The following SGSM1 variants were observed in gnomAD, a reference collection of about 807,000 sequenced individuals.
SGSM1 encodes small G protein signaling modulator 1.
SGSM1 carries 73 observed loss-of-function variants against 133.8 expected under a neutral mutation model. That is an observed-to-expected ratio of 0.55 (90% CI 0.45 to 0.66). The LOEUF is 0.66. Ranked by LOEUF, SGSM1 falls within the 30% of genes least tolerant of loss-of-function variation. SGSM1 has a pLI of 0.00. For synonymous variants in SGSM1, 563 were observed against 573.0 expected, an observed-to-expected ratio of 0.98 and a Z score of 0.25; for missense variants, 1,213 against 1,448.1, an observed-to-expected ratio of 0.84 and a Z score of 2.64.
chr22:24,807,569 G>A (rs1486624840), intron 2 of SGSM1, among the ~76,000 whole-genome samples: 1 of 152,044 alleles, frequency 6.6e-6, no homozygotes, highest in Non-Finnish European at 1.5e-5. Context: ...CTTGTGTGTT[G>A]CCCTCCCCAT....
At chr22:24,908,590 C>T (rs1933497511) in intron 21 of SGSM1, among the ~76,000 whole-genome samples, 1 of 152,094 alleles carries the variant, frequency 6.6e-6, no homozygotes, top group African/African-American at 2.4e-5. Flanking sequence ...ATCACGAGGT[C>T]AGAAGATCGA....
rs183132470 is a variant in SGSM1, at chr22:24,831,824, C to T, written c.64-13073C>T. 6.6e-5 allele frequency among the ~76,000 whole-genome samples: 10 copies of T among 152,358 alleles called. No homozygotes were observed. The East Asian group carries it at 1.2e-3, about 18-fold the overall frequency. ...AATACAGAGAAGTAAAAGTCCCCAACGCCCCAACCTAGCGTGCACTGAAAT... is the reference window on the plus strand; with the variant it reads ...AATACAGAGAAGTAAAAGTCCCCAATGCCCCAACCTAGCGTGCACTGAAAT... On this transcript the variant is annotated intron_variant, in intron 2 of 24. Coordinates refer to ENST00000400358, the MANE Select transcript of SGSM1 (RefSeq NM_001098497.3).
At chr22:24,837,489 G>T (rs1161724331) in intron 2 of SGSM1, among the ~76,000 whole-genome samples, 1 of 151,958 alleles carries the variant, frequency 6.6e-6, no homozygotes, top group Non-Finnish European at 1.5e-5. Flanking sequence ...TAGGCCTCCA[G>T]ATAACTGCGG....
Position 24,919,836 on chromosome 22 carries a change from T to C in SGSM1, c.3036T>C (p.Tyr1012=). ...TTGGTGTCTTGGCAGAACTCGTCTA[T>C]GATGACGTCTTCTTGGTCTGGGAGA... The part of the protein sequence containing the change: ...FLLDFKRELV[Y]DDVFLVWETI... Residue 1012 remains tyrosine (Y), a synonymous_variant, in exon 24 of 25, where the codon TAT becomes TAC. Transcript: ENST00000400358. 4 of 1,614,044 alleles carry C rather than the reference T, an allele frequency of 2.5e-6. No individual in the cohort carries two copies. Among genetic ancestry groups the C allele is most frequent in the Non-Finnish European group, 3.4e-6 (4 of 1,179,908 alleles).
chr22:24,827,413 T>C (rs1928860396), intron 2 of SGSM1, among the ~76,000 whole-genome samples: 1 of 151,920 alleles, frequency 6.6e-6, no homozygotes, highest in African/African-American at 2.4e-5. Flanking sequence ...CGGGGCTGGT[T>C]TCTGAATGGT....
At chr22:24,816,007 A>G (rs753239084) in intron 2 of SGSM1, among the ~76,000 whole-genome samples, 2 of 152,206 alleles carry the variant, frequency 1.3e-5, no homozygotes, top group Non-Finnish European at 2.9e-5. Flanking sequence ...CATTAGTTCT[A>G]TGGGATAGTT....
Position 24,924,364 on chromosome 22 carries a change from G to GCTCC in SGSM1, c.*91_*92insTCCC. 6.3e-6 allele frequency: 7 copies of GCTCC among 1,118,014 alleles called. No homozygotes were observed. The highest frequency in any genetic ancestry group is 9.3e-6 in the Non-Finnish European group (7 of 748,692). 69.3% of individuals were successfully genotyped at this position (1,118,014 alleles called of 1,614,324 possible). On this transcript the variant is annotated 3_prime_UTR_variant, in exon 25 of 25. Coordinates refer to ENST00000400358, the MANE Select transcript of SGSM1 (RefSeq NM_001098497.3). ...TCCTGGCTGGATGGGCACCCCGGGA[G>GCTCC]CGGGGTCCTGGTGTCTGTTCACAAG... is the stretch of plus-strand genomic sequence containing the variant.
intron 23 of SGSM1, among the ~76,000 whole-genome samples, 170 bp from the exon 24 acceptor site, chr22:24,919,656 C>A (rs1933937292): frequency 6.6e-6 from 1 of 152,218 alleles, no homozygotes; most frequent in South Asian, 2.1e-4. Context: ...GGTCAAATGA[C>A]AGAGCCCAGG....
intron 4 of SGSM1, among the ~76,000 whole-genome samples, chr22:24,848,860 CCTGCCCAGGG>C (rs1367432693): frequency 6.6e-6 from 1 of 152,236 alleles, no homozygotes; most frequent in Non-Finnish European, 1.5e-5. Flanking sequence ...TCAGGCCCTG[CCTGCCCAGGG>C]CTGCTGGCCA....
At chr22:24,816,486 GCTCAC>G (rs1928091441) in intron 2 of SGSM1, among the ~76,000 whole-genome samples, 1 of 129,064 alleles carries the variant, frequency 7.7e-6, no homozygotes, top group Non-Finnish European at 1.7e-5. Context: ...CACGATCTCA[GCTCAC>G]TGCAACCTCT....
intron 12 of SGSM1, among the ~76,000 whole-genome samples, chr22:24,869,667 T>C (rs2179877): frequency 0.12 from 18,234 of 152,226 alleles, 1,156 homozygotes; most frequent in South Asian, 0.25. Context: ...GTAGAGCCCA[T>C]AGAGTAAGGC....
intron 2 of SGSM1, chr22:24,813,762 A>C (rs5996764): frequency 0.18 from 27,414 of 152,096 alleles, 2,663 homozygotes; most frequent in Middle Eastern, 0.26. Flanking sequence ...TGTGGTGAGG[A>C]TGGCAGGAGG....
At chr22:24,864,932 T>G (rs1245474909) in intron 9 of SGSM1, among the ~76,000 whole-genome samples, 2 of 152,230 alleles carry the variant, frequency 1.3e-5, no homozygotes, top group African/African-American at 4.8e-5. Context: ...TCCTTGAGCC[T>G]CAGATTATTT....
intron 2 of SGSM1, among the ~76,000 whole-genome samples, chr22:24,836,364 T>G (rs114457931): frequency 1.3e-5 from 2 of 152,234 alleles, no homozygotes; most frequent in Admixed American, 6.5e-5. Context: ...CGAAGGACAC[T>G]TGGGTTGTTT....
chr22:24,913,418 G>T (rs1383065435), intron 22 of SGSM1, among the ~76,000 whole-genome samples: 3 of 152,096 alleles, frequency 2.0e-5, no homozygotes, highest in Non-Finnish European at 4.4e-5. Context: ...AGGTAATTCT[G>T]GTGCAAGCTC....
At chr22:24,907,766 G>T (rs1933448136) in intron 21 of SGSM1, among the ~76,000 whole-genome samples, 1 of 151,762 alleles carries the variant, frequency 6.6e-6, no homozygotes, top group Non-Finnish European at 1.5e-5. Context: ...CAAAAAATTA[G>T]CTGGGCACAG....
intron 22 of SGSM1, among the ~76,000 whole-genome samples, chr22:24,914,481 C>T (rs139768): frequency 3.3e-5 from 4 of 121,526 alleles, no homozygotes; most frequent in African/African-American, 1.1e-4. Flanking sequence ...GTCCCCCCCC[C>T]CAAAAAAAAA....
In SGSM1 at chr22:24,898,102, A is replaced by G. The variant is rs762568309; in HGVS notation, c.2153A>G (p.His718Arg). The change falls in exon 19 of 25, where the codon CAT (histidine) becomes CGT (arginine). Residue 718 changes from histidine to arginine, a missense_variant. Coordinates refer to ENST00000400358, the MANE Select transcript of SGSM1 (RefSeq NM_001098497.3). ...CCAGACTCGGGTCATCCTTCCTCCC[A>G]TAACTTCTCCTCGGGCCTCTCAGAG... is the stretch of plus-strand genomic sequence containing the variant. ...CSPDSGHPSSHNFSSGLSEHS... is the reference protein window; with the variant it reads ...CSPDSGHPSSRNFSSGLSEHS... 5.6e-6 allele frequency: 9 copies of G among 1,613,946 alleles called. No individual in the cohort carries two copies. The highest frequency in any genetic ancestry group is 5.0e-5 in the Admixed American group (3 of 59,998).
chr22:24,895,183 C>T (rs765402966), intron 17 of SGSM1, 40 bp from the exon 18 acceptor site: 34 of 1,568,270 alleles, frequency 2.2e-5, no homozygotes, highest in Non-Finnish European at 2.9e-5. Context: ...GGCCAGGGTG[C>T]AGCCTCACCC....
Sources: gnomAD v4.1 joint callset for allele counts (sites outside exome capture counted in the v4.1 genomes callset) on GRCh38, gnomAD v4.1.1 for gene constraint, MANE v1.5 for transcripts, NCBI Gene and HGNC (gene_info 2026-07-23, HGNC 2026-07-21) for gene names.